ALK: variants seen among roughly 807,000 people sequenced by gnomAD.
ALK encodes ALK tyrosine kinase receptor.
In ALK, 74 loss-of-function variants were observed where a neutral mutation model predicts 163.1. The ratio of observed to expected loss-of-function variants is 0.45; its 90% CI spans 0.38 to 0.55. The LOEUF (loss-of-function observed/expected upper bound fraction) is 0.55. Ranked by LOEUF, ALK falls within the 20% of genes least tolerant of loss-of-function variation. The pLI, the probability that ALK is intolerant of heterozygous loss-of-function variation, is 0.00. For missense variants in ALK, 2,063 were observed against 2,105.3 expected, an observed-to-expected ratio of 0.98 and a Z score of 0.39; for synonymous variants, 960 against 843.2, an observed-to-expected ratio of 1.14 and a Z score of -2.40.
chr2:29,512,191 A>G (rs998034951), intron 4 of ALK, among the ~76,000 whole-genome samples: 10 of 152,166 alleles, frequency 6.6e-5, no homozygotes, highest in African/African-American at 9.7e-5. Flanking sequence ...TAATAGCTTT[A>G]GATTTTGTTT....
chr2:29,495,632 T>G (rs779216399), intron 4 of ALK, among the ~76,000 whole-genome samples: 3 of 152,206 alleles, frequency 2.0e-5, no homozygotes, highest in Non-Finnish European at 2.9e-5. Context: ...CCTGGGACCT[T>G]GAGTGATAAA....
At chr2:29,776,747 T>C (rs1273109176) in intron 1 of ALK, among the ~76,000 whole-genome samples, 2 of 152,108 alleles carry the variant, frequency 1.3e-5, no homozygotes, top group East Asian at 3.9e-4. Flanking sequence ...CAGTAAGCTA[T>C]GATTGTACCA....
chr2:29,436,358 C>T (rs763065991), intron 4 of ALK, among the ~76,000 whole-genome samples: 24 of 152,268 alleles, frequency 1.6e-4, no homozygotes, highest in African/African-American at 2.4e-4. Flanking sequence ...CCCTTGAGAG[C>T]GGGAACCCCC....
intron 1 of ALK, among the ~76,000 whole-genome samples, chr2:29,868,543 G>C (rs1666501080): frequency 6.6e-6 from 1 of 152,150 alleles, no homozygotes; most frequent in Non-Finnish European, 1.5e-5. Context: ...AGAGTGGTCG[G>C]TCAGGAGAGA....
At chr2:29,650,610 A>T (rs928501485) in intron 3 of ALK, among the ~76,000 whole-genome samples, 2 of 152,128 alleles carry the variant, frequency 1.3e-5, no homozygotes, top group Admixed American at 1.3e-4. Flanking sequence ...TCTCTAAGAC[A>T]TGCCAAACAG....
At chr2:29,795,188 A>G (rs907109455) in intron 1 of ALK, among the ~76,000 whole-genome samples, 4 of 152,186 alleles carry the variant, frequency 2.6e-5, no homozygotes, top group African/African-American at 9.7e-5. Flanking sequence ...ACACACACAC[A>G]CACACACACA....
intron 1 of ALK, among the ~76,000 whole-genome samples, chr2:29,778,956 C>G (rs1336408714): frequency 2.0e-5 from 3 of 151,738 alleles, no homozygotes; most frequent in African/African-American, 7.3e-5. Flanking sequence ...GAGATCGAGA[C>G]CATCCTGGCT....
intron 1 of ALK, among the ~76,000 whole-genome samples, chr2:29,774,638 T>C (rs557137329): frequency 4.5e-4 from 68 of 152,218 alleles, no homozygotes; most frequent in Non-Finnish European, 4.3e-4. Context: ...TTGAGCCCAG[T>C]TCTCTTTCCA....
At chr2:29,291,179 A>G (rs1314739253) in intron 9 of ALK, among the ~76,000 whole-genome samples, 3 of 152,046 alleles carry the variant, frequency 2.0e-5, no homozygotes, top group African/African-American at 7.2e-5. Context: ...CCTAGGCAAC[A>G]TAGCAAGACC....
chr2:29,868,507 G>T (rs1666499390), intron 1 of ALK, among the ~76,000 whole-genome samples: 1 of 152,218 alleles, frequency 6.6e-6, no homozygotes, highest in African/African-American at 2.4e-5. Context: ...AAGAGTTTCA[G>T]AGTGTGTGTA....
chr2:29,617,981 C>T (rs58719298), intron 3 of ALK, among the ~76,000 whole-genome samples: 3,163 of 152,280 alleles, frequency 0.021, 64 homozygotes, highest in South Asian at 0.056. Context: ...TGCCCTTGCA[C>T]GATGACTCCA....
In ALK at chr2:29,296,757, G is replaced by A. The variant is rs2272410; in HGVS notation, c.1817+131C>T. On this transcript the variant is annotated intron_variant, in intron 9 of 28. Coordinates refer to ENST00000389048, the MANE Select transcript of ALK (RefSeq NM_004304.5). Reference sequence around the variant, plus strand: ...TGTGTGTGTGCACGTGCGTGCACGCGCACATATCGGTGTGTGGGCACATCT... The same window carrying A: ...TGTGTGTGTGCACGTGCGTGCACGCACACATATCGGTGTGTGGGCACATCT... The A allele has an allele frequency of 1.2e-4, 127 of 1,059,646 alleles. No individual in the cohort carries two copies. The African/African-American group carries it at 1.6e-3, about 13-fold the overall frequency. 65.6% of individuals were successfully genotyped at this position (1,059,646 alleles called of 1,614,324 possible). A position where few individuals can be genotyped will look rare whatever the true frequency, so the allele number is the denominator to read the frequency against.
intron 3 of ALK, among the ~76,000 whole-genome samples, chr2:29,661,803 G>C (rs1225231467): frequency 6.6e-6 from 1 of 152,178 alleles, no homozygotes; most frequent in Non-Finnish European, 1.5e-5. Flanking sequence ...TGGCATAGCA[G>C]AAAACTGAGG....
chr2:29,800,469 T>C (rs1664438805), intron 1 of ALK, among the ~76,000 whole-genome samples: 2 of 152,330 alleles, frequency 1.3e-5, no homozygotes, highest in South Asian at 2.1e-4. Context: ...GTGTTGGGAC[T>C]ATGCAGAGGA....
chr2:29,527,153 C>T (rs1672978865), intron 4 of ALK, among the ~76,000 whole-genome samples: 1 of 152,190 alleles, frequency 6.6e-6, no homozygotes, highest in South Asian at 2.1e-4. Context: ...TGTGGTTGTC[C>T]ATAACCATGC....
intron 1 of ALK, among the ~76,000 whole-genome samples, chr2:29,847,482 G>A (rs1339171096): frequency 2.6e-5 from 4 of 152,194 alleles, no homozygotes; most frequent in African/African-American, 7.2e-5. Context: ...TGATGACAGC[G>A]TTGTGAAGTA....
intron 26 of ALK, 136 bp downstream of exon 26, chr2:29,207,035 T>A: frequency 1.4e-6 from 1 of 729,054 alleles, no homozygotes; most frequent in Non-Finnish European, 2.5e-6. Flanking sequence ...TGAGAACCAC[T>A]GTTGTCGGGT....
At chr2:29,562,182 T>C (rs184610491) in intron 3 of ALK, among the ~76,000 whole-genome samples, 53 of 152,302 alleles carry the variant, frequency 3.5e-4, no homozygotes, top group Non-Finnish European at 1.8e-4. Flanking sequence ...CGAGACAGCT[T>C]CTCTGTGTTG....
At chr2:29,870,933 C>CGTT (rs1666561922) in intron 1 of ALK, among the ~76,000 whole-genome samples, 1 of 152,150 alleles carries the variant, frequency 6.6e-6, no homozygotes, top group Non-Finnish European at 1.5e-5. Context: ...CCACAGGAAC[C>CGTT]ACAAGGTCAT....
Sources: allele counts gnomAD v4.1 joint callset (sites outside exome capture counted in the v4.1 genomes callset), GRCh38; gene constraint gnomAD v4.1.1; transcripts MANE v1.5; gene names NCBI Gene and HGNC (gene_info 2026-07-23, HGNC 2026-07-21).